CACNA1S: variants seen among roughly 807,000 people sequenced by gnomAD.
The protein encoded by CACNA1S is voltage-dependent L-type calcium channel subunit alpha-1S.
CACNA1S carries 126 observed loss-of-function variants against 207.4 expected under a neutral mutation model. The ratio of observed to expected loss-of-function variants is 0.61; its 90% CI spans 0.53 to 0.70. The LOEUF (loss-of-function observed/expected upper bound fraction) is 0.70, where lower values mean the gene tolerates loss of function less well. Ranked by LOEUF, CACNA1S falls within the 30% of genes least tolerant of loss-of-function variation. CACNA1S has a pLI of 0.00. For synonymous variants in CACNA1S, 960 were observed against 932.7 expected (o/e 1.03, Z -0.53); for missense variants, 2,349 against 2,422.8 (o/e 0.97, Z 0.64).
At chr1:201,111,685 T>C (rs1419719853) in intron 1 of CACNA1S, among the ~76,000 whole-genome samples, 4 of 152,172 alleles carry the variant, frequency 2.6e-5, no homozygotes, top group African/African-American at 9.7e-5. Context: ...GGGAGAGTTT[T>C]CTCAAAGAGG....
intron 8 of CACNA1S, 69 bp downstream of exon 8, chr1:201,085,367 G>A (rs984303585): frequency 2.3e-5 from 37 of 1,599,960 alleles, no homozygotes; most frequent in Non-Finnish European, 3.2e-5. Context: ...GGGCCTGATT[G>A]CAAGGTATGA....
chr1:201,072,225 G>T (rs898596715), intron 16 of CACNA1S, among the ~76,000 whole-genome samples: 3 of 152,046 alleles, frequency 2.0e-5, no homozygotes, highest in Non-Finnish European at 2.9e-5. Context: ...AGATGTTTGT[G>T]GTTTATCCAC....
Position 201,061,346 on chromosome 1 carries a change from A to T in CACNA1S, c.3176T>A (p.Ile1059Asn). 1 of 1,614,206 alleles carries T rather than the reference A, an allele frequency of 6.2e-7. No homozygotes were observed. The highest frequency in any genetic ancestry group is 2.2e-5 in the East Asian group (1 of 44,868). ...IILIAFFMMN[I>N]FVGFVIVTFQ... Reference sequence around the variant, plus strand: ...GGTGACAATGACGAAGCCCACAAAGATGTTCATCATGAAGAAGGCAATGAG... The same window carrying T: ...GGTGACAATGACGAAGCCCACAAAGTTGTTCATCATGAAGAAGGCAATGAG... The change falls in exon 25 of 44, where the codon ATC becomes AAC. Residue 1059 changes from isoleucine to asparagine, a missense_variant. Coordinates refer to ENST00000362061, the MANE Select transcript of CACNA1S (RefSeq NM_000069.3).
In CACNA1S at chr1:201,040,317, G is replaced by A; in HGVS notation, c.5284C>T (p.Leu1762Phe). The A allele has an allele frequency of 6.2e-7, 1 of 1,613,866 alleles. No homozygotes were observed. The highest frequency in any genetic ancestry group is 8.5e-7 in the Non-Finnish European group (1 of 1,179,920). ...CTGCTGTGGGGTGTCTCCTCATGAA[G>A]AGACCCTGGTGTGGAGCTCTTTCTG... ...EDRKSSTPGSLHEETPHSRST... is the reference protein window; with the variant it reads ...EDRKSSTPGSFHEETPHSRST... The change falls in exon 43 of 44, where the codon CTT becomes TTT. Residue 1762 changes from leucine (L) to phenylalanine (F), a missense_variant. Leu to Phe is a conservative substitution (Grantham distance 22). Transcript: ENST00000362061.
chr1:201,076,397 C>T (rs906316), intron 12 of CACNA1S, among the ~76,000 whole-genome samples: 39,944 of 152,140 alleles, frequency 0.26, 6,627 homozygotes, highest in Non-Finnish European at 0.39. Flanking sequence ...AATGTTTCCA[C>T]GTCTACACTA....
intron 10 of CACNA1S, among the ~76,000 whole-genome samples, chr1:201,079,278 C>T (rs1198144548): frequency 6.6e-6 from 1 of 152,054 alleles, no homozygotes; most frequent in East Asian, 1.9e-4. Context: ...TTCACCTCAT[C>T]CCTACCTGGA....
intron 38 of CACNA1S, among the ~76,000 whole-genome samples, chr1:201,045,559 A>ACC (rs947737391): frequency 6.6e-6 from 1 of 151,738 alleles, no homozygotes; most frequent in African/African-American, 2.4e-5. Context: ...GCATAGCGAA[A>ACC]CCCCATCTCT....
At position 201,051,130 on chromosome 1, in the gene CACNA1S, C is replaced by T; in HGVS notation, c.3967G>A (p.Glu1323Lys). ...GCCAGTAGGATCTCCTGCCAGGCCTCACCTGTTGCACACCTAGAGGACAGA... is the reference window on the plus strand; with the variant it reads ...GCCAGTAGGATCTCCTGCCAGGCCTTACCTGTTGCACACCTAGAGGACAGA... ...VLLLFRCATG[E>K]AWQEILLACS... Residue 1323 changes from glutamate to lysine, a missense_variant, in exon 33 of 44, where the codon GAG (glutamate) becomes AAG (lysine). Glu to Lys is a moderately conservative substitution (Grantham distance 56). Coordinates refer to ENST00000362061, the MANE Select transcript of CACNA1S (RefSeq NM_000069.3). 1 of 1,614,244 alleles carries T rather than the reference C, an allele frequency of 6.2e-7. No individual in the cohort carries two copies. The highest frequency in any genetic ancestry group is 1.7e-5 in the Admixed American group (1 of 60,032).
intron 34 of CACNA1S, among the ~76,000 whole-genome samples, chr1:201,049,661 T>G (rs569079349): frequency 2.6e-4 from 40 of 152,252 alleles, no homozygotes; most frequent in African/African-American, 8.9e-4. Flanking sequence ...TTTTCTTTGA[T>G]GGGCAGGCTG....
At chr1:201,043,786 GT>G (rs1282377653) in intron 39 of CACNA1S, among the ~76,000 whole-genome samples, 2 of 152,162 alleles carry the variant, frequency 1.3e-5, no homozygotes, top group Non-Finnish European at 2.9e-5. Flanking sequence ...GAGAAGTGTG[GT>G]GTAGGGGAGA....
At chr1:201,040,969 G>T (rs1402943408) in intron 41 of CACNA1S, among the ~76,000 whole-genome samples, 1 of 152,202 alleles carries the variant, frequency 6.6e-6, no homozygotes, top group Non-Finnish European at 1.5e-5. Context: ...AGAGTCTCTG[G>T]CCAAGCTGGT....
intron 40 of CACNA1S, chr1:201,043,036 G>A (rs896807194): frequency 3.1e-5 from 15 of 489,646 alleles, no homozygotes; most frequent in South Asian, 1.3e-4. Flanking sequence ...TGAAGCCGAC[G>A]GAATAAAAGA....
intron 38 of CACNA1S, among the ~76,000 whole-genome samples, chr1:201,046,442 A>G (rs981675972): frequency 3.3e-5 from 5 of 150,306 alleles, no homozygotes; most frequent in African/African-American, 1.2e-4. Flanking sequence ...TGGCCTCCCA[A>G]AGCGCTGGGA....
At chr1:201,052,247 C>G (rs77550320) in intron 32 of CACNA1S, among the ~76,000 whole-genome samples, 2 of 152,194 alleles carry the variant, frequency 1.3e-5, no homozygotes, top group African/African-American at 4.8e-5. Context: ...GGCAAATGTC[C>G]GGGAGAAGAT....
chr1:201,103,257 A>AG (rs1182371613), intron 2 of CACNA1S, among the ~76,000 whole-genome samples: 11 of 151,796 alleles, frequency 7.2e-5, no homozygotes, highest in Admixed American at 6.6e-4. Context: ...AAAAAAAAAA[A>AG]AAAGAAAGAA....
At chr1:201,055,456 A>AC (rs1660805639) in intron 28 of CACNA1S, among the ~76,000 whole-genome samples, 1 of 152,152 alleles carries the variant, frequency 6.6e-6, no homozygotes, top group Non-Finnish European at 1.5e-5. Context: ...GTTTAAATGC[A>AC]CCCCAGGTGA....
intron 1 of CACNA1S, 38 bp from the exon 2 acceptor site, chr1:201,110,307 A>T: frequency 6.4e-7 from 1 of 1,560,304 alleles, no homozygotes; most frequent in Non-Finnish European, 8.8e-7. Flanking sequence ...GAGTGAGGCA[A>T]GGGACTTACA....
Position 201,048,563 on chromosome 1 carries a change from C to T in CACNA1S, c.4441+19G>A, listed in dbSNP as rs752669951. ...CCTCTGGGAGAAAGGAGGGGGCTCA[C>T]ATTGGAAGGCACTCTCACCTTCCGT... On this transcript the variant is annotated intron_variant, in intron 36 of 43. Transcript: ENST00000362061. 1.9e-6 allele frequency: 3 copies of T among 1,574,136 alleles called. No individual in the cohort carries two copies. Among genetic ancestry groups the T allele is most frequent in the African/African-American group, 2.7e-5 (2 of 74,058 alleles).
At chr1:201,041,234 G>A (rs1029690934) in intron 41 of CACNA1S, among the ~76,000 whole-genome samples, 1 of 152,196 alleles carries the variant, frequency 6.6e-6, no homozygotes, top group Non-Finnish European at 1.5e-5. Context: ...GGCTGTGTGA[G>A]TTTCCTGGGA....
Sources: gnomAD v4.1 joint callset for allele counts (sites outside exome capture counted in the v4.1 genomes callset) on GRCh38, gnomAD v4.1.1 for gene constraint, MANE v1.5 for transcripts, NCBI Gene and HGNC (gene_info 2026-07-23, HGNC 2026-07-21) for gene names.